The following DLGAP3 variants were observed in gnomAD, a reference collection of about 807,000 sequenced individuals.
DLGAP3 encodes DLG associated protein 3, also known as disks large-associated protein 3.
Under a neutral mutation model 81.2 loss-of-function variants are expected in DLGAP3, and 17 were observed. The observed-to-expected ratio is 0.21, with a 90% CI of 0.14 to 0.31. The LOEUF is 0.31. Among genes scored for constraint, DLGAP3 ranks in the 10% least tolerant of loss-of-function variants. The probability of loss-of-function intolerance (pLI) is 1.00; values close to 1 mark genes in which losing one functional copy is unlikely to be tolerated. For missense variants in DLGAP3, 1,124 were observed against 1,388.0 expected (o/e 0.81, Z 3.02); for synonymous variants, 577 against 587.4 (o/e 0.98, Z 0.26).
At chr1:34,875,599 T>A (rs1418674212) in intron 8 of DLGAP3, among the ~76,000 whole-genome samples, 1 of 152,182 alleles carries the variant, frequency 6.6e-6, no homozygotes, top group East Asian at 1.9e-4. Flanking sequence ...TACAGGCAGA[T>A]CCCTATGGTT....
intron 1 of DLGAP3, among the ~76,000 whole-genome samples, chr1:34,923,834 TG>T: frequency 1.3e-5 from 2 of 152,236 alleles, no homozygotes; most frequent in South Asian, 4.2e-4. Flanking sequence ...AAGTCACATG[TG>T]GGAAGGGATC....
intron 8 of DLGAP3, among the ~76,000 whole-genome samples, chr1:34,884,183 T>G (rs560194301): frequency 6.6e-6 from 1 of 152,130 alleles, no homozygotes; most frequent in South Asian, 2.1e-4. Flanking sequence ...CCTTCCAAAG[T>G]GCTGGGATTA....
chr1:34,898,047 A>G (rs961693737), intron 5 of DLGAP3, among the ~76,000 whole-genome samples: 4 of 152,180 alleles, frequency 2.6e-5, no homozygotes, highest in Non-Finnish European at 4.4e-5. Context: ...AGTTTTGGAC[A>G]TCTTAAGTTT....
chr1:34,915,099 CAA>C (rs1639696317), intron 1 of DLGAP3, among the ~76,000 whole-genome samples: 1 of 152,138 alleles, frequency 6.6e-6, no homozygotes, highest in Non-Finnish European at 1.5e-5. Flanking sequence ...ATTGGAAAGC[CAA>C]TCATCCACCT....
At chr1:34,866,885 G>A (rs976773940) in intron 11 of DLGAP3, among the ~76,000 whole-genome samples, 163 bp downstream of exon 11, 2 of 152,222 alleles carry the variant, frequency 1.3e-5, no homozygotes, top group African/African-American at 2.4e-5. Flanking sequence ...GGCCACGAGC[G>A]TGGTCACTCT....
At chr1:34,883,140 T>C (rs1230333131) in intron 8 of DLGAP3, among the ~76,000 whole-genome samples, 1 of 152,246 alleles carries the variant, frequency 6.6e-6, no homozygotes, top group African/African-American at 2.4e-5. Context: ...TGTGTTGTCA[T>C]ATTTTTATTC....
chr1:34,916,674 TTATTTTATTTTATTTTA>T (rs961080492), intron 1 of DLGAP3, among the ~76,000 whole-genome samples: 3 of 146,566 alleles, frequency 2.0e-5, no homozygotes, highest in Non-Finnish European at 3.0e-5. Context: ...TTATTTTATT[TTATTTTATTTTATTTTA>T]TTTTATTTTA....
intron 1 of DLGAP3, among the ~76,000 whole-genome samples, chr1:34,928,474 C>A (rs1355203422): frequency 2.6e-5 from 4 of 151,936 alleles, no homozygotes; most frequent in Admixed American, 2.0e-4. Flanking sequence ...CAGCAACATC[C>A]CAGAGGGCAC....
At chr1:34,872,597 C>T (rs562861590) in intron 8 of DLGAP3, among the ~76,000 whole-genome samples, 5 of 152,124 alleles carry the variant, frequency 3.3e-5, no homozygotes, top group African/African-American at 4.8e-5. Flanking sequence ...TTTGCAGATG[C>T]GATTAAGTTA....
Position 34,911,022 on chromosome 1 carries a change from A to ACCCCCC in DLGAP3, c.-134-3591_-134-3586dup, listed in dbSNP as rs58074971. ...CTATTCCAAAGGATAGATATTATCC[A>ACCCCCC]CCCCCCCCCCACCACCTTCCAGTGT... On this transcript the variant is annotated intron_variant, in intron 1 of 11. Coordinates refer to ENST00000373347, the MANE Select transcript of DLGAP3 (RefSeq NM_001080418.3). 4.3e-4 allele frequency among the ~76,000 whole-genome samples: 57 copies of ACCCCCC among 131,978 alleles called. 1 individual carries two copies. The highest frequency in any genetic ancestry group is 7.5e-4 in the South Asian group (3 of 4,024). 86.6% of individuals were successfully genotyped at this position (131,978 alleles called of 152,430 possible).
In DLGAP3 at chr1:34,904,617, T is replaced by C; in HGVS notation, c.767A>G (p.Lys256Arg). ...ATCGGAACTCCACCAGCCTGTGGACTTGGCCTGGTGCCGCCCATCCCCCTT... is the reference window on the plus strand; with the variant it reads ...ATCGGAACTCCACCAGCCTGTGGACCTGGCCTGGTGCCGCCCATCCCCCTT... ...DRKGDGRHQAKSTGWWSSDDN... is the reference protein window; with the variant it reads ...DRKGDGRHQARSTGWWSSDDN... Residue 256 changes from lysine (K) to arginine (R), a missense_variant, in exon 3 of 12, where the codon AAG (lysine) becomes AGG (arginine). By Grantham distance (26) the Lys-to-Arg change is conservative. Around this residue, in one of 9 missense-constraint regions of DLGAP3, gnomAD observed 357 missense variants for 408.8 expected, o/e 0.87. Coordinates refer to ENST00000373347, the MANE Select transcript of DLGAP3 (RefSeq NM_001080418.3). The surrounding 1 kb of genome is among the most constrained non-coding windows in gnomAD (Gnocchi z 8.1). The C allele has an allele frequency of 6.2e-7, 1 of 1,614,236 alleles. No homozygotes were observed. Among genetic ancestry groups the C allele is most frequent in the Non-Finnish European group, 8.5e-7 (1 of 1,180,034 alleles).
In DLGAP3 at chr1:34,904,375, C is replaced by G. The variant is rs1235124710; in HGVS notation, c.1009G>C (p.Val337Leu). The change falls in exon 3 of 12, where the codon GTC becomes CTC. Residue 337 changes from valine to leucine, a missense_variant. This residue lies in a region of DLGAP3 where 357 missense variants were observed against 408.8 expected (regional missense o/e 0.87). Transcript: ENST00000373347. This position sits in a 1 kb window ranked among gnomAD's most constrained non-coding sequence, Gnocchi z 8.1. ...GGGTATCCATCCCGGCCCTGGCTGACCATCATGGTATGCCAGGCACTTCGC... is the reference window on the plus strand; with the variant it reads ...GGGTATCCATCCCGGCCCTGGCTGAGCATCATGGTATGCCAGGCACTTCGC... ...VKRSAWHTMMVSQGRDGYPGA... is the reference protein window; with the variant it reads ...VKRSAWHTMMLSQGRDGYPGA... 6.2e-7 allele frequency: 1 copy of G among 1,613,504 alleles called. No homozygotes were observed. The highest frequency in any genetic ancestry group is 2.2e-5 in the East Asian group (1 of 44,880).
Position 34,904,812 on chromosome 1 carries a change from C to T in DLGAP3, c.572G>A (p.Gly191Glu), listed in dbSNP as rs1276487848. Residue 191 changes from glycine to glutamate, a missense_variant, in exon 3 of 12, where the codon GGG (glycine) becomes GAG (glutamate). This residue lies in a region of DLGAP3 where 65 missense variants were observed against 78.2 expected (regional missense o/e 0.83). Transcript: ENST00000373347. The surrounding 1 kb of genome is among the most constrained non-coding windows in gnomAD (Gnocchi z 8.1). ...FAKSHSLEAP[G>E]KRDYNGPKAE... Reference sequence around the variant, plus strand: ...CTTGGGCCCATTATAGTCCCGCTTCCCCGGCGCCTCCAGAGAGTGGGACTT... The same window carrying T: ...CTTGGGCCCATTATAGTCCCGCTTCTCCGGCGCCTCCAGAGAGTGGGACTT... 2 of 1,610,318 alleles carry T rather than the reference C, an allele frequency of 1.2e-6. No homozygotes were observed.
intron 1 of DLGAP3, among the ~76,000 whole-genome samples, chr1:34,922,998 G>A (rs1286976054): frequency 4.6e-5 from 7 of 151,730 alleles, no homozygotes; most frequent in South Asian, 4.2e-4. Context: ...CTCATCCCAT[G>A]CCTAGAGAAA....
intron 11 of DLGAP3, 85 bp from the exon 12 acceptor site, chr1:34,866,386 T>C (rs1638878901): frequency 1.7e-6 from 2 of 1,171,574 alleles, no homozygotes; most frequent in East Asian, 2.7e-5. Context: ...GCGCCCAGAG[T>C]GCTGACGACC....
At position 34,873,035 on chromosome 1, in the gene DLGAP3, A is replaced by G. The variant is rs990973849; in HGVS notation, c.2001-3946T>C. Among the ~76,000 whole-genome samples, 1 of 152,230 alleles carries G rather than the reference A, an allele frequency of 6.6e-6. No homozygotes were observed. The highest frequency in any genetic ancestry group is 2.4e-5 in the African/African-American group (1 of 41,436). On this transcript the variant is annotated intron_variant, in intron 8 of 11. Coordinates refer to ENST00000373347, the MANE Select transcript of DLGAP3 (RefSeq NM_001080418.3). The surrounding 1 kb of genome is among the most constrained non-coding windows in gnomAD (Gnocchi z 4.2). ...GATATAAGGATGGATAAAAAAGAAT[A>G]ACATCTTCTAAGCACTTAGTATGTG...
chr1:34,866,784 A>ACC (rs112932264), intron 11 of DLGAP3, among the ~76,000 whole-genome samples: 6 of 151,376 alleles, frequency 4.0e-5, no homozygotes, highest in East Asian at 3.9e-4. Flanking sequence ...AGCCGCCGCC[A>ACC]CCCCCCCAAC....
chr1:34,879,108 G>C (rs976729025), intron 8 of DLGAP3, among the ~76,000 whole-genome samples: 3 of 151,808 alleles, frequency 2.0e-5, no homozygotes, highest in African/African-American at 7.3e-5. Context: ...AGAAGCTGCG[G>C]GGGGGCATAG....
chr1:34,897,933 G>T (rs1353703040), intron 5 of DLGAP3, among the ~76,000 whole-genome samples: 1 of 152,186 alleles, frequency 6.6e-6, no homozygotes, highest in Non-Finnish European at 1.5e-5. Context: ...CTTCTAGAAG[G>T]ATAAAGTTGC....
Sources: allele counts gnomAD v4.1 joint callset (sites outside exome capture counted in the v4.1 genomes callset), GRCh38; gene constraint gnomAD v4.1.1; regional missense constraint gnomAD v4.1.1; non-coding constraint Gnocchi (gnomAD v3.1); transcripts MANE v1.5; gene names NCBI Gene and HGNC (gene_info 2026-07-23, HGNC 2026-07-21).